BIN3: variants seen among roughly 807,000 people sequenced by gnomAD.
The protein encoded by BIN3 is bridging integrator 3.
In BIN3, 41 loss-of-function variants were observed where a neutral mutation model predicts 38.2. The observed-to-expected ratio is 1.07, with a 90% CI of 0.84 to 1.39. The LOEUF (loss-of-function observed/expected upper bound fraction) is 1.39, where lower values mean the gene tolerates loss of function less well. BIN3 is among the 40% of genes most tolerant of loss of function. BIN3 has a pLI of 0.00. For missense variants in BIN3, 361 were observed against 324.3 expected, an observed-to-expected ratio of 1.11 and a Z score of -0.87; for synonymous variants, 145 against 122.6, an observed-to-expected ratio of 1.18 and a Z score of -1.21.
chr8:22,637,104 G>A (rs1563959169), intron 2 of BIN3, 142 bp from the exon 3 acceptor site: 3 of 725,268 alleles, frequency 4.1e-6, no homozygotes, highest in East Asian at 2.7e-5. Flanking sequence ...CCGACAGATC[G>A]CTCCTGACAC....
chr8:22,637,026 C>G, intron 2 of BIN3, 64 bp from the exon 3 acceptor site: 1 of 1,451,160 alleles, frequency 6.9e-7, no homozygotes, highest in Non-Finnish European at 9.6e-7. Context: ...AACCTCCCAG[C>G]CTCCTGAAAC....
chr8:22,648,858 G>C (rs1434395099), intron 1 of BIN3, among the ~76,000 whole-genome samples: 2 of 152,024 alleles, frequency 1.3e-5, no homozygotes, highest in Admixed American at 1.3e-4. Context: ...AGCTCTTTCA[G>C]TTGGCTTCTG....
chr8:22,629,795 G>C (rs1483833948), intron 6 of BIN3, 169 bp downstream of exon 6: 1 of 689,240 alleles, frequency 1.5e-6, no homozygotes, highest in Non-Finnish European at 2.5e-6. Context: ...GCCCCCAGGA[G>C]CATGGACGCT....
chr8:22,647,384 T>C (rs1264448211), intron 1 of BIN3, among the ~76,000 whole-genome samples: 3 of 152,160 alleles, frequency 2.0e-5, no homozygotes, highest in Non-Finnish European at 2.9e-5. Context: ...TCTCCTTTTG[T>C]AGATGAGGAA....
At chr8:22,640,354 AT>A (rs35170682) in intron 2 of BIN3, among the ~76,000 whole-genome samples, 2,575 of 139,248 alleles carry the variant, frequency 0.018, 59 homozygotes, top group African/African-American at 0.059. Context: ...TAATTTTTGA[AT>A]TTTTTTTTTT....
intron 2 of BIN3, among the ~76,000 whole-genome samples, chr8:22,644,022 C>T (rs371810668): frequency 2.0e-5 from 3 of 152,332 alleles, no homozygotes; most frequent in East Asian, 1.9e-4. Flanking sequence ...CAGGGGCTCA[C>T]GCCTGAGTTC....
At chr8:22,623,652 G>A (rs753848968) in intron 8 of BIN3, among the ~76,000 whole-genome samples, 14 of 152,234 alleles carry the variant, frequency 9.2e-5, no homozygotes, top group Non-Finnish European at 1.6e-4. Flanking sequence ...GATCCATGGC[G>A]GAACTGCTGG....
chr8:22,649,278 C>T (rs1802806317), intron 1 of BIN3, among the ~76,000 whole-genome samples: 1 of 152,200 alleles, frequency 6.6e-6, no homozygotes, highest in Admixed American at 6.5e-5. Flanking sequence ...TCTCTGCTCC[C>T]AGGAAAACTT....
At chr8:22,635,655 G>A (rs574959798) in intron 4 of BIN3, among the ~76,000 whole-genome samples, 12 of 152,230 alleles carry the variant, frequency 7.9e-5, no homozygotes, top group African/African-American at 2.2e-4. Flanking sequence ...TGTGCCACTC[G>A]GATTGGCGTT....
Position 22,636,592 on chromosome 8 carries a change from AGGCAGGGGACG to A in BIN3, c.99-17_99-7del. The A allele has an allele frequency of 6.4e-7, 1 of 1,551,804 alleles. No homozygotes were observed. The highest frequency in any genetic ancestry group is 8.7e-7 in the Non-Finnish European group (1 of 1,147,232). On this transcript the variant is annotated splice_polypyrimidine_tract_variant and splice_region_variant and intron_variant, in intron 3 of 8. Transcript: ENST00000276416. ...TCCGGGTCTGCTCTTCCAGCCTGCA[AGGCAGGGGACG>A]GGCTGCTTGGGGTCCCCTTCCTTCC...
intron 1 of BIN3, among the ~76,000 whole-genome samples, chr8:22,646,588 C>T (rs1802721416): frequency 6.6e-6 from 1 of 152,194 alleles, no homozygotes; most frequent in African/African-American, 2.4e-5. Context: ...ATTGTTAACC[C>T]AGCCCCATAA....
chr8:22,630,035 C>G, intron 5 of BIN3, 31 bp from the exon 6 acceptor site: 1 of 1,597,918 alleles, frequency 6.3e-7, no homozygotes, highest in Non-Finnish European at 8.5e-7. Context: ...GACATTAAAA[C>G]TGGTGGGGAG....
intron 1 of BIN3, among the ~76,000 whole-genome samples, chr8:22,656,839 A>T (rs192280376): frequency 3.9e-5 from 6 of 152,214 alleles, no homozygotes; most frequent in Non-Finnish European, 5.9e-5. Flanking sequence ...CGGTGTAAAC[A>T]TATTTCCTAA....
At chr8:22,667,861 T>A (rs1348404293) in intron 1 of BIN3, among the ~76,000 whole-genome samples, 1 of 152,212 alleles carries the variant, frequency 6.6e-6, no homozygotes, top group African/African-American at 2.4e-5. Flanking sequence ...TAGAGAAGTA[T>A]CCCTGACACT....
chr8:22,651,143 T>C (rs1585198608), intron 1 of BIN3, among the ~76,000 whole-genome samples: 1 of 152,218 alleles, frequency 6.6e-6, no homozygotes, highest in Non-Finnish European at 1.5e-5. Context: ...GGATAATGTG[T>C]CACGCAGCAG....
intron 2 of BIN3, among the ~76,000 whole-genome samples, chr8:22,639,008 C>T (rs1193274492): frequency 6.6e-6 from 1 of 152,208 alleles, no homozygotes; most frequent in African/African-American, 2.4e-5. Context: ...TACAAGTTTG[C>T]AGGAACCAAA....
At chr8:22,628,705 G>A (rs898355455) in intron 6 of BIN3, among the ~76,000 whole-genome samples, 8 of 152,192 alleles carry the variant, frequency 5.3e-5, no homozygotes, top group African/African-American at 1.2e-4. Context: ...CATTCTACCA[G>A]CCATGGGTGC....
intron 4 of BIN3, among the ~76,000 whole-genome samples, chr8:22,635,095 T>C (rs1802326753): frequency 1.3e-5 from 2 of 152,150 alleles, no homozygotes; most frequent in African/African-American, 4.8e-5. Flanking sequence ...CCTTAGGGCC[T>C]CCGCGCTTGC....
intron 1 of BIN3, among the ~76,000 whole-genome samples, chr8:22,664,060 T>C (rs1585208254): frequency 6.6e-6 from 1 of 152,198 alleles, no homozygotes; most frequent in Non-Finnish European, 1.5e-5. Flanking sequence ...TCAACAAATA[T>C]TTGTTGAGCA....
Sources: allele counts gnomAD v4.1 joint callset (sites outside exome capture counted in the v4.1 genomes callset), GRCh38; gene constraint gnomAD v4.1.1; transcripts MANE v1.5; gene names NCBI Gene and HGNC (gene_info 2026-07-23, HGNC 2026-07-21).